NRAP: variants seen among roughly 807,000 people sequenced by gnomAD.
NRAP encodes nebulin related anchoring protein.
A neutral mutation model predicts 225.9 loss-of-function variants in NRAP; 189 were observed. That is an observed-to-expected ratio of 0.84 (90% CI 0.74 to 0.94). NRAP has a LOEUF of 0.94. NRAP is among the 40% of genes least tolerant of loss of function. The pLI is 0.00. For synonymous variants in NRAP, 769 were observed against 790.7 expected, an observed-to-expected ratio of 0.97 and a Z score of 0.46; for missense variants, 2,176 against 2,168.7, an observed-to-expected ratio of 1.00 and a Z score of -0.07.
At position 113,590,651 on chromosome 10, in the gene NRAP, A is replaced by G; in HGVS notation, c.4883T>C (p.Leu1628Pro). The change falls in exon 40 of 42, where the codon CTG becomes CCG. Residue 1628 changes from leucine (L) to proline (P), a missense_variant. This residue lies in a region of NRAP where 445 missense variants were observed against 426.1 expected (regional missense o/e 1.04). Transcript: ENST00000359988. Reference sequence around the variant, plus strand: ...CTCCGGGTCGCAGGTGGGCTGGGGCAGGGGCTGCCTGTAGTGCACATCACT... The same window carrying G: ...CTCCGGGTCGCAGGTGGGCTGGGGCGGGGGCTGCCTGTAGTGCACATCACT... ...LASDVHYRQP[L>P]PQPTCDPEQL... 6.2e-7 allele frequency: 1 copy of G among 1,614,046 alleles called. No homozygotes were observed. Among genetic ancestry groups the G allele is most frequent in the Non-Finnish European group, 8.5e-7 (1 of 1,179,958 alleles).
intron 32 of NRAP, 56 bp from the exon 33 acceptor site, chr10:113,606,338 G>A (rs1846966719): frequency 8.8e-7 from 1 of 1,137,200 alleles, no homozygotes; most frequent in Admixed American, 1.8e-5. Flanking sequence ...GTGCATTTCT[G>A]CAGTGCTGGA....
At position 113,652,969 on chromosome 10, in the gene NRAP, T is replaced by A. The variant is rs763568180; in HGVS notation, c.536A>T (p.Gln179Leu). 6.2e-7 allele frequency: 1 copy of A among 1,613,276 alleles called. No individual in the cohort carries two copies. The highest frequency in any genetic ancestry group is 8.5e-7 in the Non-Finnish European group (1 of 1,179,790). ...CAGCTGGTTGGCTTTCTTGGCCCTTTGATAAGCAGGTGTGATCATGGCTGG... is the reference window on the plus strand; with the variant it reads ...CAGCTGGTTGGCTTTCTTGGCCCTTAGATAAGCAGGTGTGATCATGGCTGG... ...SFPAMITPAY[Q>L]RAKKANQLAS... The change falls in exon 6 of 42, where the codon CAA becomes CTA. Residue 179 changes from glutamine (Q) to leucine (L), a missense_variant. Physicochemically the swap from Gln to Leu is moderately radical, Grantham distance 113. Around this residue, in one of 3 missense-constraint regions of NRAP, gnomAD observed 1,708 missense variants for 1,695.5 expected, o/e 1.01. Transcript: ENST00000359988.
At chr10:113,618,443 T>C (rs964429974) in intron 25 of NRAP, among the ~76,000 whole-genome samples, 2 of 152,236 alleles carry the variant, frequency 1.3e-5, no homozygotes, top group African/African-American at 4.8e-5. Context: ...AAATAAAGTT[T>C]TATTGGAACA....
chr10:113,606,969 G>T (rs995950717), intron 32 of NRAP, among the ~76,000 whole-genome samples: 5 of 152,042 alleles, frequency 3.3e-5, no homozygotes, highest in Non-Finnish European at 5.9e-5. Context: ...GTAGGAGGCT[G>T]AGGTGGATGG....
chr10:113,662,476 C>G (rs1293237857), intron 3 of NRAP, among the ~76,000 whole-genome samples: 43 of 152,122 alleles, frequency 2.8e-4, no homozygotes, highest in Admixed American at 2.8e-3. Flanking sequence ...GAAATAAAGA[C>G]AGGGTCTCAC....
At chr10:113,597,268 G>T in intron 36 of NRAP, 84 bp from the exon 37 acceptor site, 1 of 821,872 alleles carries the variant, frequency 1.2e-6, no homozygotes, top group Non-Finnish European at 2.1e-6. Context: ...CACCTTCTCA[G>T]TACCTAACAT....
chr10:113,647,766 T>C (rs1849666757), intron 9 of NRAP, among the ~76,000 whole-genome samples: 1 of 152,106 alleles, frequency 6.6e-6, no homozygotes, highest in South Asian at 2.1e-4. Flanking sequence ...TTAAACAATG[T>C]TTGTAATATG....
intron 12 of NRAP, among the ~76,000 whole-genome samples, chr10:113,642,721 G>T (rs556939685): frequency 6.6e-6 from 1 of 152,146 alleles, no homozygotes; most frequent in African/African-American, 2.4e-5. Context: ...CCCGCCCAGA[G>T]GACTCAGGGT....
chr10:113,623,708 G>C, intron 22 of NRAP, 72 bp from the exon 23 acceptor site: 1 of 946,466 alleles, frequency 1.1e-6, no homozygotes, highest in South Asian at 1.5e-5. Context: ...CATTTCTCTA[G>C]ATTCTAATGA....
rs74995833 is a variant in NRAP, at chr10:113,620,667, G to C, written c.2811C>G (p.Gly937=). 2 of 1,612,970 alleles carry C rather than the reference G, an allele frequency of 1.2e-6. No homozygotes were observed. Among genetic ancestry groups the C allele is most frequent in the East Asian group, 4.5e-5 (2 of 44,834 alleles). Residue 937 remains glycine (G), a synonymous_variant, in exon 25 of 42, where the codon GGC becomes GGG. Transcript: ENST00000359988. ...RADVKWMKGM[G]WVATGSLNVE... ...CATTTAATGACCCGGTGGCGACCCAGCCCATGCCTTTCATCCACTTCACAT... is the reference window on the plus strand; with the variant it reads ...CATTTAATGACCCGGTGGCGACCCACCCCATGCCTTTCATCCACTTCACAT...
intron 35 of NRAP, among the ~76,000 whole-genome samples, chr10:113,603,315 G>C (rs79782227): frequency 2.0e-5 from 3 of 151,980 alleles, no homozygotes; most frequent in Admixed American, 1.3e-4. Flanking sequence ...ATGTGGGAGG[G>C]GCCAGTGCTC....
chr10:113,629,842 G>A (rs1319384148), intron 18 of NRAP, 57 bp from the exon 19 acceptor site: 3 of 1,224,766 alleles, frequency 2.4e-6, no homozygotes, highest in East Asian at 2.3e-5. Context: ...CTTTGCAGGA[G>A]TGATGTGAAA....
rs747934248 is a variant in NRAP at position 113,604,885 on chromosome 10, C to T, written c.3951G>A (p.Gly1317=). The T allele has an allele frequency of 6.2e-7, 1 of 1,613,960 alleles. No homozygotes were observed. The highest frequency in any genetic ancestry group is 8.5e-7 in the Non-Finnish European group (1 of 1,179,856). The change falls in exon 35 of 42, where the codon GGG becomes GGA. Residue 1317 remains glycine (G), a synonymous_variant. Coordinates refer to ENST00000359988, the MANE Select transcript of NRAP (RefSeq NM_198060.4). ...LYRHDFVKER[G]KLIGPQSVRD... ...TTACACTCTGGGGCCCTATGAGTTT[C>T]CCTCGCTCCTTCACAAAGTCATGTC...
chr10:113,642,471 A>G (rs1849261158), intron 12 of NRAP, among the ~76,000 whole-genome samples: 1 of 152,176 alleles, frequency 6.6e-6, no homozygotes, highest in Non-Finnish European at 1.5e-5. Flanking sequence ...ACCTGCTCTG[A>G]GAATCTCCAA....
chr10:113,660,160 T>C (rs1850578106), intron 3 of NRAP, among the ~76,000 whole-genome samples: 1 of 151,872 alleles, frequency 6.6e-6, no homozygotes, highest in African/African-American at 2.4e-5. Flanking sequence ...TATACACATA[T>C]ATACATACCA....
At chr10:113,632,871 C>T (rs1307960811) in intron 16 of NRAP, among the ~76,000 whole-genome samples, 2 of 152,186 alleles carry the variant, frequency 1.3e-5, no homozygotes, top group African/African-American at 2.4e-5. Context: ...TGTACACATG[C>T]TCATATAATG....
In NRAP at chr10:113,614,778, C is replaced by T. The variant is rs183830698; in HGVS notation, c.3186+61G>A. On this transcript the variant is annotated intron_variant, in intron 28 of 41. Transcript: ENST00000359988. ...GGCAAAAGAAGGCAGGAGTTACGGG[C>T]AAAAGGAGTGAAAACGGGTTAGTGT... is the stretch of plus-strand genomic sequence containing the variant. 100 of 1,005,046 alleles carry T rather than the reference C, an allele frequency of 9.9e-5. No individual in the cohort carries two copies. The Middle Eastern group carries it at 1.4e-3, about 14-fold the overall frequency. The allele number at this position is 1,005,046 out of a possible 1,614,324, so 62.3% of individuals were successfully genotyped here.
At chr10:113,613,814 T>C (rs1564715821) in intron 29 of NRAP, among the ~76,000 whole-genome samples, 1 of 152,244 alleles carries the variant, frequency 6.6e-6, no homozygotes, top group East Asian at 1.9e-4. Context: ...GGCCAGAAGC[T>C]TAACACTTTT....
rs1037867366 is a variant in NRAP, at chr10:113,589,941, TATC to T, written c.4957-147_4957-145del. On this transcript the variant is annotated intron_variant, in intron 40 of 41. Transcript: ENST00000359988. Reference sequence around the variant, plus strand: ...AAAGCCAGAACAAGGGGAACAAATTTATCATAAGCAGCATCTCCCTGGCACAGG... The same window carrying T: ...AAAGCCAGAACAAGGGGAACAAATTTATAAGCAGCATCTCCCTGGCACAGG... 6 of 918,722 alleles carry T rather than the reference TATC, an allele frequency of 6.5e-6. No individual in the cohort carries two copies. The African/African-American group carries it at 1.0e-4, about 15-fold the overall frequency. The allele number at this position is 918,722 out of a possible 1,614,324, so 56.9% of individuals were successfully genotyped here.
Sources: gnomAD v4.1 joint callset for allele counts (sites outside exome capture counted in the v4.1 genomes callset) on GRCh38, gnomAD v4.1.1 for gene constraint, gnomAD v4.1.1 regional missense constraint, MANE v1.5 for transcripts, NCBI Gene and HGNC (gene_info 2026-07-23, HGNC 2026-07-21) for gene names.